PCNX1: variants seen among roughly 807,000 people sequenced by gnomAD.
The protein encoded by PCNX1 is pecanex-like protein 1.
In PCNX1, 78 loss-of-function variants were observed where a neutral mutation model predicts 242.2. The observed-to-expected ratio is 0.32, with a 90% CI of 0.27 to 0.39. The LOEUF (loss-of-function observed/expected upper bound fraction) is 0.39, where lower values mean the gene tolerates loss of function less well. Ranked by LOEUF, PCNX1 falls within the 10% of genes least tolerant of loss-of-function variation. The probability of loss-of-function intolerance (pLI) is 1.00; values close to 1 mark genes in which losing one functional copy is unlikely to be tolerated. For synonymous variants in PCNX1, 1,024 were observed against 1,032.9 expected (o/e 0.99, Z 0.17); for missense variants, 2,581 against 2,856.5 (o/e 0.90, Z 2.20).
At chr14:71,046,913 A>G (rs752267908) in intron 20 of PCNX1, 51 bp from the exon 21 acceptor site, 73 of 1,451,030 alleles carry the variant, frequency 5.0e-5, no homozygotes, top group Non-Finnish European at 6.6e-5. Context: ...CATCACATTG[A>G]CAAACTATAC....
intron 7 of PCNX1, among the ~76,000 whole-genome samples, chr14:70,988,925 G>T (rs892622368): frequency 6.6e-6 from 1 of 151,476 alleles, no homozygotes; most frequent in Non-Finnish European, 1.5e-5. Context: ...GATTGGTTTA[G>T]TCAATTTTAA....
chr14:70,983,609 A>G (rs2058911119), intron 6 of PCNX1, among the ~76,000 whole-genome samples: 1 of 151,628 alleles, frequency 6.6e-6, no homozygotes, highest in Non-Finnish European at 1.5e-5. Context: ...ACCCATAGCT[A>G]ATAATTTTGT....
chr14:71,084,544 C>T (rs1326728441), intron 28 of PCNX1, among the ~76,000 whole-genome samples: 1 of 152,144 alleles, frequency 6.6e-6, no homozygotes, highest in Non-Finnish European at 1.5e-5. Context: ...GATGCCCTGC[C>T]CAGAGAGGAG....
chr14:71,021,424 C>G (rs2060098421), intron 12 of PCNX1, among the ~76,000 whole-genome samples: 2 of 152,154 alleles, frequency 1.3e-5, no homozygotes, highest in Admixed American at 1.3e-4. Flanking sequence ...TTTGTGTCTT[C>G]TCTTATTTCC....
intron 8 of PCNX1, among the ~76,000 whole-genome samples, chr14:71,002,608 C>T (rs2059536777): frequency 6.6e-6 from 1 of 152,120 alleles, no homozygotes; most frequent in African/African-American, 2.4e-5. Flanking sequence ...TAAATGGAGT[C>T]ATATAGTATA....
chr14:71,028,534 A>G (rs1224479072), intron 15 of PCNX1, among the ~76,000 whole-genome samples, 166 bp from the exon 16 acceptor site: 3 of 152,054 alleles, frequency 2.0e-5, no homozygotes, highest in Admixed American at 6.5e-5. Context: ...GTTCATGTCA[A>G]AATCTTTTTG....
chr14:71,033,582 AGTT>A, intron 17 of PCNX1, 44 bp downstream of exon 17: 2 of 1,106,562 alleles, frequency 1.8e-6, no homozygotes, highest in Non-Finnish European at 2.7e-6. Flanking sequence ...AATTTAAGTA[AGTT>A]GGTGTTTTTT....
chr14:70,922,684 A>C (rs1022160120), intron 1 of PCNX1, among the ~76,000 whole-genome samples: 36 of 150,232 alleles, frequency 2.4e-4, no homozygotes, highest in Admixed American at 6.0e-4. Context: ...ACTCTTCTTC[A>C]TTTTTTGAAC....
intron 26 of PCNX1, among the ~76,000 whole-genome samples, chr14:71,067,294 G>A (rs2061471948): frequency 6.6e-6 from 1 of 152,116 alleles, no homozygotes; most frequent in African/African-American, 2.4e-5. Context: ...TTCAGAACTT[G>A]TTATTGGTCT....
At chr14:70,951,325 G>A (rs1303467178) in intron 2 of PCNX1, among the ~76,000 whole-genome samples, 2 of 151,840 alleles carry the variant, frequency 1.3e-5, no homozygotes, top group African/African-American at 2.4e-5. Context: ...CATTGTGAGT[G>A]ACTCCAGTAT....
intron 30 of PCNX1, among the ~76,000 whole-genome samples, chr14:71,098,569 A>AGAGAGAGAG (rs1555379125): frequency 6.1e-5 from 9 of 147,548 alleles, no homozygotes; most frequent in East Asian, 3.9e-4. Flanking sequence ...AGAGAGAGAG[A>AGAGAGAGAG]ACATTGTAGA....
rs1432392583 is a variant in PCNX1, at chr14:70,962,331, G to C, written c.468G>C (p.Gln156His). ...NSYAGLDPSN[Q>H]IGSGSSRLGT... ...ATGCCGGTCTAGATCCAAGCAACCA[G>C]GTAGGAACCTGCGCTGTTTTATTTT... Residue 156 changes from glutamine (Q) to histidine (H), a missense_variant and splice_region_variant, in exon 3 of 36, where the codon CAG becomes CAC. By Grantham distance (24) the Gln-to-His change is conservative. Around this residue, in one of 9 missense-constraint regions of PCNX1, gnomAD observed 1,204 missense variants for 1,216.7 expected, o/e 0.99. Coordinates refer to ENST00000304743, the MANE Select transcript of PCNX1 (RefSeq NM_014982.3). 6 of 1,579,800 alleles carry C rather than the reference G, an allele frequency of 3.8e-6. No individual in the cohort carries two copies. The Admixed American group carries it at 8.3e-5, about 22-fold the overall frequency.
chr14:71,017,475 G>T (rs1417466131), intron 11 of PCNX1, among the ~76,000 whole-genome samples: 2 of 151,998 alleles, frequency 1.3e-5, no homozygotes, highest in East Asian at 1.9e-4. Context: ...TAAAGAACTT[G>T]TAGCCTTACC....
chr14:70,940,829 T>C (rs556699164), intron 1 of PCNX1, among the ~76,000 whole-genome samples: 1 of 152,322 alleles, frequency 6.6e-6, no homozygotes, highest in East Asian at 1.9e-4. Context: ...TTCTTTTCTT[T>C]TTACTCTTTT....
chr14:71,015,401 T>G (rs570431260), intron 11 of PCNX1, among the ~76,000 whole-genome samples: 16 of 152,352 alleles, frequency 1.1e-4, no homozygotes, highest in African/African-American at 3.8e-4. Context: ...AAAGTAAAAT[T>G]TATGATAATA....
In PCNX1 at chr14:70,918,150, C is replaced by T. The variant is rs61988696; in HGVS notation, c.153+10147C>T. On this transcript the variant is annotated intron_variant, in intron 1 of 35. Coordinates refer to ENST00000304743, the MANE Select transcript of PCNX1 (RefSeq NM_014982.3). ...CTATTCAGACCACTCAAACTTTCTC[C>T]ATATCAGCAATGTTATTCATTTGTG... Among the ~76,000 whole-genome samples the T allele has an allele frequency of 5.3e-3, 811 of 152,302 alleles. 2 individuals are homozygous for T. Among genetic ancestry groups the T allele is most frequent in the Non-Finnish European group, 8.5e-3 (578 of 68,026 alleles).
chr14:70,955,227 G>C (rs950387346), intron 2 of PCNX1, among the ~76,000 whole-genome samples: 2 of 152,178 alleles, frequency 1.3e-5, no homozygotes, highest in African/African-American at 2.4e-5. Context: ...CATGGTTTCT[G>C]TATGTTTCTC....
chr14:70,921,037 A>G (rs752097491), intron 1 of PCNX1, among the ~76,000 whole-genome samples: 4 of 152,190 alleles, frequency 2.6e-5, no homozygotes, highest in Admixed American at 6.5e-5. Context: ...TGCTCTGCTT[A>G]AGTATTCTAA....
At chr14:71,014,300 T>C (rs182606193) in intron 11 of PCNX1, among the ~76,000 whole-genome samples, 1 of 152,084 alleles carries the variant, frequency 6.6e-6, no homozygotes, top group South Asian at 2.1e-4. Context: ...CTAAGAAGAT[T>C]TATGGAAATC....
Sources: gnomAD v4.1 joint callset for allele counts (sites outside exome capture counted in the v4.1 genomes callset) on GRCh38, gnomAD v4.1.1 for gene constraint, gnomAD v4.1.1 regional missense constraint, MANE v1.5 for transcripts, NCBI Gene and HGNC (gene_info 2026-07-23, HGNC 2026-07-21) for gene names.